C5orf34: variants seen among roughly 807,000 people sequenced by gnomAD.
C5orf34 encodes chromosome 5 open reading frame 34.
C5orf34 carries 73 observed loss-of-function variants against 78.4 expected under a neutral mutation model. That is an observed-to-expected ratio of 0.93 (90% CI 0.77 to 1.13). C5orf34 has a LOEUF of 1.13. Ranked by LOEUF, C5orf34 falls within the 50% of genes most tolerant of loss-of-function variation. The probability of loss-of-function intolerance (pLI) is 0.00; values close to 1 mark genes in which losing one functional copy is unlikely to be tolerated. For missense variants in C5orf34, 730 were observed against 732.7 expected, an observed-to-expected ratio of 1.00 and a Z score of 0.04; for synonymous variants, 251 against 246.6, an observed-to-expected ratio of 1.02 and a Z score of -0.17.
chr5:43,500,978 CA>C (rs1413182482), intron 6 of C5orf34, among the ~76,000 whole-genome samples: 1 of 152,190 alleles, frequency 6.6e-6, no homozygotes, highest in East Asian at 1.9e-4. Flanking sequence ...CTAAAACAGA[CA>C]GAGAAAGGTG....
At chr5:43,492,118 C>A in intron 10 of C5orf34, 97 bp downstream of exon 10, 49 of 693,350 alleles carry the variant, frequency 7.1e-5, no homozygotes, top group East Asian at 1.7e-4. Context: ...CATGGAAAAA[C>A]TAAAAATATA....
Position 43,515,147 on chromosome 5 carries a change from A to G in C5orf34, c.-378T>C, listed in dbSNP as rs79749794. On this transcript the variant is annotated 5_prime_UTR_variant, in exon 1 of 13. Transcript: ENST00000306862. ...CAGGGAGCCGCTTCAGAGCTCCGCA[A>G]CAGGGAAGACAGGAAGTCCCGCCCC... The G allele has an allele frequency of 3.0e-4, 46 of 152,362 alleles. No homozygotes were observed. Among genetic ancestry groups the G allele is most frequent in the African/African-American group, 9.9e-4 (41 of 41,572 alleles). 9.4% of individuals were successfully genotyped at this position (152,362 alleles called of 1,614,324 possible).
At chr5:43,507,971 G>A (rs1026332040) in intron 3 of C5orf34, among the ~76,000 whole-genome samples, 6 of 151,840 alleles carry the variant, frequency 4.0e-5, no homozygotes, top group Non-Finnish European at 5.9e-5. Context: ...CCAGCTACTC[G>A]GGAGGCTGAG....
At chr5:43,512,441 A>G (rs1746307993) in intron 1 of C5orf34, among the ~76,000 whole-genome samples, 1 of 152,082 alleles carries the variant, frequency 6.6e-6, no homozygotes, top group Admixed American at 6.5e-5. Flanking sequence ...TCCAGCTTTC[A>G]CCTCTATCTC....
rs1745895776 is a variant in C5orf34, at chr5:43,504,450, A to G, written c.933-690T>C. Among the ~76,000 whole-genome samples, 3 of 152,230 alleles carry G rather than the reference A, an allele frequency of 2.0e-5. No individual in the cohort carries two copies. In the South Asian group the frequency reaches 6.2e-4, roughly 32 times the overall value. On this transcript the variant is annotated intron_variant, in intron 4 of 12. Transcript: ENST00000306862. ...CATTGAGTGTAAAGAAGAGGCAAGTACTGCATGCTATGGAATTGTATAGGA... is the reference window on the plus strand; with the variant it reads ...CATTGAGTGTAAAGAAGAGGCAAGTGCTGCATGCTATGGAATTGTATAGGA...
intron 12 of C5orf34, among the ~76,000 whole-genome samples, chr5:43,487,618 T>C (rs1326624817): frequency 6.6e-6 from 1 of 152,114 alleles, no homozygotes; most frequent in African/African-American, 2.4e-5. Context: ...TCTTAAACAG[T>C]TATAATTTTA....
chr5:43,493,803 AATCTT>A (rs1361963297), intron 7 of C5orf34, among the ~76,000 whole-genome samples, 191 bp from the exon 8 acceptor site: 1 of 152,122 alleles, frequency 6.6e-6, no homozygotes, highest in Non-Finnish European at 1.5e-5. Flanking sequence ...CCTTTGTGCT[AATCTT>A]ACCTACTTAA....
At chr5:43,509,023 T>G in intron 2 of C5orf34, 122 bp downstream of exon 2, 6 of 715,238 alleles carry the variant, frequency 8.4e-6, no homozygotes, top group Non-Finnish European at 9.3e-6. Context: ...GAGAATCACT[T>G]GAGCCTAGGT....
intron 6 of C5orf34, chr5:43,496,582 A>ATTT (rs70994702): frequency 3.3e-4 from 141 of 428,568 alleles, no homozygotes; most frequent in African/African-American, 1.1e-3. Context: ...GTTTTTTTTA[A>ATTT]TTTTTTTTTT....
chr5:43,488,058 G>A, intron 11 of C5orf34, 109 bp from the exon 12 acceptor site: 1 of 733,722 alleles, frequency 1.4e-6, no homozygotes. Flanking sequence ...TTAAACGGAA[G>A]AACGCAGAAG....
intron 6 of C5orf34, among the ~76,000 whole-genome samples, chr5:43,499,010 C>G (rs1745653850): frequency 6.6e-6 from 1 of 152,112 alleles, no homozygotes; most frequent in Non-Finnish European, 1.5e-5. Context: ...TAAGAAGCAG[C>G]AATAATAATG....
At position 43,508,709 on chromosome 5, in the gene C5orf34, T is replaced by C. The variant is rs757196780; in HGVS notation, c.196-43A>G. On this transcript the variant is annotated intron_variant, in intron 2 of 12. Coordinates refer to ENST00000306862, the MANE Select transcript of C5orf34 (RefSeq NM_198566.4). Reference sequence around the variant, plus strand: ...AAATGTAACCTTAATGTAAAATGATTTGAAAATCAATTAAAAATGACAGTA... The same window carrying C: ...AAATGTAACCTTAATGTAAAATGATCTGAAAATCAATTAAAAATGACAGTA... 6 of 1,171,022 alleles carry C rather than the reference T, an allele frequency of 5.1e-6. No homozygotes were observed. In the African/African-American group the frequency reaches 9.2e-5, roughly 18 times the overall value. The allele number at this position is 1,171,022 out of a possible 1,614,324, so 72.5% of individuals were successfully genotyped here. A position where few individuals can be genotyped will look rare whatever the true frequency, so the allele number is the denominator to read the frequency against.
chr5:43,494,066 A>G (rs991178217), intron 7 of C5orf34, among the ~76,000 whole-genome samples: 2 of 152,194 alleles, frequency 1.3e-5, no homozygotes, highest in Non-Finnish European at 2.9e-5. Context: ...TCTGGGTATC[A>G]TAGATTGAGA....
At chr5:43,512,234 C>T (rs1325887589) in intron 1 of C5orf34, among the ~76,000 whole-genome samples, 29 of 152,198 alleles carry the variant, frequency 1.9e-4, no homozygotes. Flanking sequence ...TGTTTTTATT[C>T]CTTTCCAACA....
intron 6 of C5orf34, chr5:43,495,980 G>T: frequency 6.3e-7 from 1 of 1,591,072 alleles, no homozygotes; most frequent in East Asian, 2.2e-5. Flanking sequence ...GCTGTAGGGT[G>T]GCTCAGTGGA....
Position 43,492,271 on chromosome 5 carries a change from A to G in C5orf34, c.1524T>C (p.Thr508=), listed in dbSNP as rs1449828099. 1 of 1,612,226 alleles carries G rather than the reference A, an allele frequency of 6.2e-7. No homozygotes were observed. Among genetic ancestry groups the G allele is most frequent in the Non-Finnish European group, 8.5e-7 (1 of 1,179,058 alleles). The change falls in exon 10 of 13, where the codon ACT becomes ACC. Residue 508 remains threonine, a synonymous_variant. Transcript: ENST00000306862. Reference sequence around the variant, plus strand: ...TTAACTGCTCTTGTCCATCAGGAAAAGTTAACTTACACCAACCTAAGTTAA... The same window carrying G: ...TTAACTGCTCTTGTCCATCAGGAAAGGTTAACTTACACCAACCTAAGTTAA... ...QGLNLGWCKL[T]FPDGQEQLIQ...
intron 4 of C5orf34, among the ~76,000 whole-genome samples, chr5:43,504,623 G>A (rs1041867649): frequency 6.6e-6 from 1 of 152,188 alleles, no homozygotes; most frequent in African/African-American, 2.4e-5. Flanking sequence ...CAGAGTGCTT[G>A]AGCAAGCATT....
rs758530180 is a variant in C5orf34 at position 43,509,373 on chromosome 5, A to C, written c.-34T>G. The C allele has an allele frequency of 2.6e-6, 4 of 1,521,488 alleles. No homozygotes were observed. The highest frequency in any genetic ancestry group is 3.6e-6 in the Non-Finnish European group (4 of 1,124,526). The allele number at this position is 1,521,488 out of a possible 1,614,324, so 94.2% of individuals were successfully genotyped here. A position where few individuals can be genotyped will look rare whatever the true frequency, so the allele number is the denominator to read the frequency against. On this transcript the variant is annotated splice_region_variant and 5_prime_UTR_variant, in exon 2 of 13. Transcript: ENST00000306862. ...CAGGATAAGATATCTTCTAAGTCAA[A>C]GACTGAATGAAATAGGAAAAACAAC...
chr5:43,510,285 T>A (rs1490011669), intron 1 of C5orf34, among the ~76,000 whole-genome samples: 1 of 152,162 alleles, frequency 6.6e-6, no homozygotes, highest in Non-Finnish European at 1.5e-5. Context: ...TTATTACTAC[T>A]GAGCAACTTA....
Sources: gnomAD v4.1 joint callset for allele counts (sites outside exome capture counted in the v4.1 genomes callset) on GRCh38, gnomAD v4.1.1 for gene constraint, MANE v1.5 for transcripts, NCBI Gene and HGNC (gene_info 2026-07-23, HGNC 2026-07-21) for gene names.